Variants in TMEM117 observed in about 807,000 individuals in gnomAD.
TMEM117 encodes the protein transmembrane protein 117.
A neutral mutation model predicts 52.4 loss-of-function variants in TMEM117; 27 were observed. That is an observed-to-expected ratio of 0.51 (90% CI 0.38 to 0.71). The LOEUF (loss-of-function observed/expected upper bound fraction) is 0.71. TMEM117 is among the 30% of genes least tolerant of loss of function. TMEM117 has a pLI of 0.00. For missense variants in TMEM117, 556 were observed against 630.5 expected (o/e 0.88, Z 1.26); for synonymous variants, 215 against 206.3 (o/e 1.04, Z -0.36).
chr12:44,215,659 A>C (rs1234477236), intron 5 of TMEM117, among the ~76,000 whole-genome samples: 1 of 152,138 alleles, frequency 6.6e-6, no homozygotes, highest in African/African-American at 2.4e-5. Context: ...TGTACTCTCT[A>C]GAGAAACAAT....
chr12:44,075,701 G>A (rs1394796760), intron 3 of TMEM117, among the ~76,000 whole-genome samples: 1 of 152,134 alleles, frequency 6.6e-6, no homozygotes, highest in African/African-American at 2.4e-5. Context: ...CTATTATATG[G>A]TGTCCACCTC....
intron 3 of TMEM117, among the ~76,000 whole-genome samples, chr12:44,093,929 G>A (rs1366515107): frequency 6.6e-6 from 1 of 151,722 alleles, no homozygotes. Context: ...GTTTATACAG[G>A]GATGATTTAA....
chr12:44,260,366 C>CACAAGT, intron 5 of TMEM117, among the ~76,000 whole-genome samples: 1 of 152,204 alleles, frequency 6.6e-6, no homozygotes, highest in Admixed American at 6.5e-5. Context: ...CCATCAGGTG[C>CACAAGT]ACAAGTACAA....
chr12:44,084,456 T>C (rs908615678), intron 3 of TMEM117, among the ~76,000 whole-genome samples: 3 of 152,162 alleles, frequency 2.0e-5, no homozygotes, highest in African/African-American at 7.2e-5. Context: ...ATACTAATTA[T>C]TTTAATTATT....
intron 3 of TMEM117, among the ~76,000 whole-genome samples, chr12:44,012,401 T>G (rs188943779): frequency 1.0e-3 from 152 of 151,958 alleles, no homozygotes; most frequent in African/African-American, 3.4e-3. Context: ...TTTTTGTTTT[T>G]TTTTTTTCTG....
At chr12:44,068,506 T>G (rs1947255155) in intron 3 of TMEM117, among the ~76,000 whole-genome samples, 1 of 152,192 alleles carries the variant, frequency 6.6e-6, no homozygotes, top group African/African-American at 2.4e-5. Context: ...TTGGCCTAAT[T>G]TCACTATTGT....
At chr12:44,212,685 G>A (rs1440953301) in intron 5 of TMEM117, among the ~76,000 whole-genome samples, 1 of 152,006 alleles carries the variant, frequency 6.6e-6, no homozygotes, top group Non-Finnish European at 1.5e-5. Context: ...ACCAGATAAG[G>A]GGGACTACTG....
intron 3 of TMEM117, among the ~76,000 whole-genome samples, chr12:44,081,121 G>GAAAT (rs1947475153): frequency 6.6e-6 from 1 of 152,252 alleles, no homozygotes; most frequent in African/African-American, 2.4e-5. Context: ...TGCATGACAT[G>GAAAT]AAATAGGTCC....
intron 4 of TMEM117, among the ~76,000 whole-genome samples, chr12:44,192,841 A>G (rs776749142): frequency 1.3e-5 from 2 of 152,158 alleles, no homozygotes; most frequent in Non-Finnish European, 2.9e-5. Flanking sequence ...TTCCTGTTCT[A>G]TAAAATTGGG....
Position 43,962,404 on chromosome 12 carries a change from A to G in TMEM117, c.410+18062A>G, listed in dbSNP as rs187293941. ...GACTTGAAAGAGCAAAATATTTACA[A>G]TAGTAAAGTTCTTTAGAATTGGGAC... is the stretch of plus-strand genomic sequence containing the variant. On this transcript the variant is annotated intron_variant, in intron 3 of 7. Coordinates refer to ENST00000266534, the MANE Select transcript of TMEM117 (RefSeq NM_032256.3). 2.0e-4 allele frequency among the ~76,000 whole-genome samples: 31 copies of G among 152,344 alleles called. No homozygotes were observed. The East Asian group carries it at 5.6e-3, about 27-fold the overall frequency.
chr12:44,255,701 A>G (rs1029504744), intron 5 of TMEM117, among the ~76,000 whole-genome samples: 1 of 152,138 alleles, frequency 6.6e-6, no homozygotes, highest in African/African-American at 2.4e-5. Flanking sequence ...ATATACATGC[A>G]TAGGTATAGA....
At chr12:44,037,776 G>C (rs749084041) in intron 3 of TMEM117, among the ~76,000 whole-genome samples, 2 of 152,076 alleles carry the variant, frequency 1.3e-5, no homozygotes, top group African/African-American at 2.4e-5. Flanking sequence ...CCACTCCAGG[G>C]TCTCTTCTCT....
chr12:43,983,547 CGTGTGTGT>C (rs748259406), intron 3 of TMEM117, among the ~76,000 whole-genome samples: 31,015 of 110,382 alleles, frequency 0.28, 4,380 homozygotes, highest in Non-Finnish European at 0.35. Context: ...TTGCACCAAC[CGTGTGTGT>C]GTGTGTGTGT....
chr12:44,343,181 G>A (rs1474059611), intron 6 of TMEM117, among the ~76,000 whole-genome samples: 2 of 151,798 alleles, frequency 1.3e-5, no homozygotes, highest in Non-Finnish European at 2.9e-5. Context: ...TCAAACTCCT[G>A]ACCTCAAGTG....
chr12:44,186,254 A>T (rs537522434), intron 4 of TMEM117, among the ~76,000 whole-genome samples: 1 of 152,352 alleles, frequency 6.6e-6, no homozygotes, highest in Admixed American at 6.5e-5. Context: ...CTGACAGCTC[A>T]GGAACTCCTT....
At chr12:44,171,013 C>CTTTTTT (rs757855409) in intron 4 of TMEM117, among the ~76,000 whole-genome samples, 5 of 132,142 alleles carry the variant, frequency 3.8e-5, no homozygotes, top group African/African-American at 8.6e-5. Context: ...TAACAAATAT[C>CTTTTTT]TTTTTTTTTT....
At chr12:44,377,040 T>G (rs1169196789) in intron 7 of TMEM117, among the ~76,000 whole-genome samples, 2 of 152,166 alleles carry the variant, frequency 1.3e-5, no homozygotes, top group Non-Finnish European at 2.9e-5. Flanking sequence ...TATGTCACCT[T>G]TCCTCATGTT....
chr12:44,168,213 A>G (rs1038153590), intron 4 of TMEM117, among the ~76,000 whole-genome samples: 2 of 151,862 alleles, frequency 1.3e-5, no homozygotes, highest in African/African-American at 4.8e-5. Flanking sequence ...AGATGGCGCT[A>G]CTGGACTCCA....
In TMEM117 at chr12:44,388,369, T is replaced by C. The variant is rs764784442; in HGVS notation, c.1242T>C (p.Phe414=). 2.5e-6 allele frequency: 4 copies of C among 1,613,496 alleles called. No individual in the cohort carries two copies. The highest frequency in any genetic ancestry group is 3.4e-6 in the Non-Finnish European group (4 of 1,179,656). Residue 414 remains phenylalanine, a synonymous_variant, in exon 8 of 8, where the codon TTT becomes TTC. Coordinates refer to ENST00000266534, the MANE Select transcript of TMEM117 (RefSeq NM_032256.3). ...FVWFGFFIWF[F]GRFLKNEPRM... is the part of the protein sequence containing the mutation. ...GGTTTGGATTCTTTATTTGGTTCTT[T>C]GGACGATTTTTGAAAAATGAGCCAC...
Sources: gnomAD v4.1 joint callset for allele counts (sites outside exome capture counted in the v4.1 genomes callset) on GRCh38, gnomAD v4.1.1 for gene constraint, MANE v1.5 for transcripts, NCBI Gene and HGNC (gene_info 2026-07-23, HGNC 2026-07-21) for gene names.